The following MAGI3 variants were observed in gnomAD, a reference collection of about 807,000 sequenced individuals.
The protein encoded by MAGI3 is membrane associated guanylate kinase, WW and PDZ domain containing 3.
Under a neutral mutation model 121.8 loss-of-function variants are expected in MAGI3, and 43 were observed. That is an observed-to-expected ratio of 0.35 (90% CI 0.28 to 0.46). The LOEUF is 0.46. Ranked by LOEUF, MAGI3 falls within the 20% of genes least tolerant of loss-of-function variation. The pLI, the probability that MAGI3 is intolerant of heterozygous loss-of-function variation, is 1.00. For synonymous variants in MAGI3, 553 were observed against 639.3 expected (o/e 0.86, Z 2.04); for missense variants, 1,547 against 1,797.3 (o/e 0.86, Z 2.52).
At chr1:113,456,583 A>G (rs1249339993) in intron 1 of MAGI3, among the ~76,000 whole-genome samples, 2 of 152,244 alleles carry the variant, frequency 1.3e-5, no homozygotes, top group Admixed American at 6.5e-5. Context: ...ATTTCATAAC[A>G]TAAGTTATAC....
intron 1 of MAGI3, among the ~76,000 whole-genome samples, chr1:113,414,603 A>C (rs1164683349): frequency 1.3e-5 from 2 of 152,010 alleles, no homozygotes; most frequent in African/African-American, 2.4e-5. Context: ...TAGTCTTCGG[A>C]GAGTGTATGT....
In MAGI3 at chr1:113,550,365, G is replaced by A. The variant is rs563848401; in HGVS notation, c.433+734G>A. Among the ~76,000 whole-genome samples, 69 of 152,002 alleles carry A rather than the reference G, an allele frequency of 4.5e-4. No individual in the cohort carries two copies. The Middle Eastern group carries it at 0.014, about 30-fold the overall frequency. On this transcript the variant is annotated intron_variant, in intron 2 of 20. Transcript: ENST00000307546. ...CGGGAGGCGGAGCTTGCAGTGAGCC[G>A]AGATAGCGCCACTGCAGTCCGGCCT...
chr1:113,473,839 C>T (rs1655668890), intron 1 of MAGI3, among the ~76,000 whole-genome samples: 1 of 152,196 alleles, frequency 6.6e-6, no homozygotes, highest in Non-Finnish European at 1.5e-5. Context: ...GAGGAATCGC[C>T]ACACTGTCTT....
chr1:113,639,857 C>T (rs999241359), intron 9 of MAGI3, among the ~76,000 whole-genome samples: 8 of 152,110 alleles, frequency 5.3e-5, no homozygotes, highest in Admixed American at 4.6e-4. Context: ...CGTGAGCCAC[C>T]GCGTCTGGCC....
intron 1 of MAGI3, among the ~76,000 whole-genome samples, chr1:113,393,531 T>C (rs1650936177): frequency 6.6e-6 from 1 of 152,216 alleles, no homozygotes; most frequent in Non-Finnish European, 1.5e-5. Flanking sequence ...TAGCCTCATG[T>C]TAGGTATTAT....
At chr1:113,434,426 C>CA (rs1653461018) in intron 1 of MAGI3, among the ~76,000 whole-genome samples, 1 of 151,856 alleles carries the variant, frequency 6.6e-6, no homozygotes, top group Non-Finnish European at 1.5e-5. Flanking sequence ...CACACACACA[C>CA]ACAAAAAGCG....
At chr1:113,533,696 C>T (rs1262025933) in intron 1 of MAGI3, among the ~76,000 whole-genome samples, 2 of 151,996 alleles carry the variant, frequency 1.3e-5, no homozygotes, top group African/African-American at 2.4e-5. Context: ...GCCAAGCGAA[C>T]GGAATACAGA....
intron 1 of MAGI3, among the ~76,000 whole-genome samples, chr1:113,525,028 G>C (rs1321005785): frequency 1.3e-5 from 2 of 152,114 alleles, no homozygotes; most frequent in South Asian, 4.1e-4. Context: ...TCTTGCACAA[G>C]CTCTCTTCTC....
At chr1:113,562,298 G>C (rs975582431) in intron 2 of MAGI3, among the ~76,000 whole-genome samples, 1 of 152,196 alleles carries the variant, frequency 6.6e-6, no homozygotes, top group Non-Finnish European at 1.5e-5. Context: ...AGCTACTGAG[G>C]AGGCTGAGGC....
chr1:113,597,632 T>A (rs1462136350), intron 6 of MAGI3, among the ~76,000 whole-genome samples: 1 of 152,188 alleles, frequency 6.6e-6, no homozygotes, highest in African/African-American at 2.4e-5. Context: ...ACCATCTACA[T>A]CCTTTAGAAG....
At chr1:113,479,427 C>T (rs1656009574) in intron 1 of MAGI3, among the ~76,000 whole-genome samples, 1 of 152,186 alleles carries the variant, frequency 6.6e-6, no homozygotes, top group African/African-American at 2.4e-5. Flanking sequence ...TATGTCATCT[C>T]ATTCTCTCCT....
Position 113,658,943 on chromosome 1 carries a change from G to A in MAGI3, c.2630-137G>A, listed in dbSNP as rs1464334135. On this transcript the variant is annotated intron_variant, in intron 15 of 20. Transcript: ENST00000307546. This position sits in a 1 kb window ranked among gnomAD's most constrained non-coding sequence, Gnocchi z 4.0. ...AATAGTTCCGTTTGGATGCGATGAT[G>A]ACGTGTGGTACTTTTCTGTTATGTT... The A allele has an allele frequency of 1.4e-6, 1 of 726,482 alleles. No individual in the cohort carries two copies. Among genetic ancestry groups the A allele is most frequent in the Non-Finnish European group, 2.3e-6 (1 of 438,778 alleles). The allele number at this position is 726,482 out of a possible 1,614,324, so 45.0% of individuals were successfully genotyped here. A position where few individuals can be genotyped will look rare whatever the true frequency, so the allele number is the denominator to read the frequency against.
At chr1:113,668,623 C>T (rs1146186) in intron 16 of MAGI3, among the ~76,000 whole-genome samples, 53,654 of 139,544 alleles carry the variant, frequency 0.38, 11,768 homozygotes, top group African/African-American at 0.6. Context: ...TCGCCCAGGC[C>T]GGACTGCGGA....
In MAGI3 at chr1:113,422,269, C is replaced by A. The variant is rs1280955820; in HGVS notation, c.316+30920C>A. Reference sequence around the variant, plus strand: ...GGATATTGACATTGATACCACCAATCTTAACAGATTTCCCTAGTTTTACTT... The same window carrying A: ...GGATATTGACATTGATACCACCAATATTAACAGATTTCCCTAGTTTTACTT... On this transcript the variant is annotated intron_variant, in intron 1 of 20. Transcript: ENST00000307546. This position sits in a 1 kb window ranked among gnomAD's most constrained non-coding sequence, Gnocchi z 4.3. Among the ~76,000 whole-genome samples, 8 of 152,228 alleles carry A rather than the reference C, an allele frequency of 5.3e-5. No individual in the cohort carries two copies. The highest frequency in any genetic ancestry group is 1.5e-5 in the Non-Finnish European group (1 of 68,042).
chr1:113,527,567 C>T (rs1031381593), intron 1 of MAGI3, among the ~76,000 whole-genome samples: 1 of 152,118 alleles, frequency 6.6e-6, no homozygotes, highest in Non-Finnish European at 1.5e-5. Context: ...GCATTCAATA[C>T]AACTTCATTT....
chr1:113,671,639 A>G (rs1557884938), intron 16 of MAGI3, 95 bp from the exon 17 acceptor site: 3 of 1,121,554 alleles, frequency 2.7e-6, no homozygotes, highest in Admixed American at 2.0e-5. Flanking sequence ...CAGTACAGCA[A>G]TAGCCATCTG....
rs1163045530 is a variant in MAGI3 at position 113,685,422 on chromosome 1, T to A, written c.*1408T>A. 6.6e-6 allele frequency: 1 copy of A among 152,370 alleles called. No individual in the cohort carries two copies. Among genetic ancestry groups the A allele is most frequent in the Non-Finnish European group, 1.5e-5 (1 of 68,042 alleles). The allele number at this position is 152,370 out of a possible 1,614,324, so 9.4% of individuals were successfully genotyped here. A position where few individuals can be genotyped will look rare whatever the true frequency, so the allele number is the denominator to read the frequency against. On this transcript the variant is annotated 3_prime_UTR_variant, in exon 21 of 21. Coordinates refer to ENST00000307546, the MANE Select transcript of MAGI3 (RefSeq NM_001142782.2). ...TGGGTTCATCTTGTTGTGAAGCACATTAGGTCCAGGTCCTTCCCTCTGGGA... is the reference window on the plus strand; with the variant it reads ...TGGGTTCATCTTGTTGTGAAGCACAATAGGTCCAGGTCCTTCCCTCTGGGA...
intron 1 of MAGI3, among the ~76,000 whole-genome samples, chr1:113,442,284 C>T (rs927624480): frequency 5.3e-5 from 8 of 152,068 alleles, no homozygotes; most frequent in African/African-American, 9.7e-5. Context: ...TGTTGTATGA[C>T]GGAAGTACCC....
rs576110670 is a variant in MAGI3, at chr1:113,566,488, A to T, written c.434-14054A>T. On this transcript the variant is annotated intron_variant, in intron 2 of 20. Coordinates refer to ENST00000307546, the MANE Select transcript of MAGI3 (RefSeq NM_001142782.2). ...ACCGACATACAGAACATTTCATCCA[A>T]TAACAGCAGAATATACACTCTTATC... 5.3e-5 allele frequency among the ~76,000 whole-genome samples: 8 copies of T among 152,356 alleles called. No homozygotes were observed. The South Asian group carries it at 1.4e-3, about 28-fold the overall frequency.
Sources: gnomAD v4.1 joint callset for allele counts (sites outside exome capture counted in the v4.1 genomes callset) on GRCh38, gnomAD v4.1.1 for gene constraint, Gnocchi (gnomAD v3.1) non-coding constraint, MANE v1.5 for transcripts, NCBI Gene and HGNC (gene_info 2026-07-23, HGNC 2026-07-21) for gene names.